Variants in NBPF9 observed in about 807,000 individuals in gnomAD.
NBPF9 encodes NBPF family member NBPF9.
NBPF9 carries 91 observed loss-of-function variants against 97.8 expected under a neutral mutation model. The observed-to-expected ratio is 0.93, with a 90% CI of 0.79 to 1.11. The LOEUF (loss-of-function observed/expected upper bound fraction) is 1.11. Among genes scored for constraint, NBPF9 ranks in the 50% least tolerant of loss-of-function variants. NBPF9 has a pLI of 0.00. For synonymous variants in NBPF9, 334 were observed against 359.5 expected (o/e 0.93, Z 0.80); for missense variants, 992 against 939.5 (o/e 1.06, Z -0.73).
chr1:149,073,858 C>T (rs2079621493), exon 13 of NBPF9: 1 of 1,437,204 alleles, frequency 7.0e-7, no homozygotes, highest in South Asian at 1.2e-5. Context: ...GAGGTCTTTA[C>T]ACTCTTCATA....
At chr1:149,071,800 T>C (rs1181994787) in intron 14 of NBPF9, 124 bp from the exon 15 acceptor site, 7 of 654,204 alleles carry the variant, frequency 1.1e-5, no homozygotes, top group East Asian at 3.0e-5. Context: ...AAAACTCTCA[T>C]GTTTTATCTT....
intron 4 of NBPF9, among the ~76,000 whole-genome samples, chr1:149,093,110 T>C (rs1419242284): frequency 1.3e-5 from 2 of 151,826 alleles, no homozygotes; most frequent in East Asian, 2.0e-4. Flanking sequence ...AATAGGATAA[T>C]AGTGGAGAGA....
chr1:149,100,215 T>C (rs1207615904), intron 3 of NBPF9, among the ~76,000 whole-genome samples: 17 of 135,124 alleles, frequency 1.3e-4, no homozygotes, highest in African/African-American at 4.5e-4. Flanking sequence ...GTCAAAACTG[T>C]AGCTCTGTGA....
chr1:149,063,995 CACACACACACACACAGACACAG>C, intron 19 of NBPF9, among the ~76,000 whole-genome samples, 190 bp from the exon 20 acceptor site: 1 of 106,196 alleles, frequency 9.4e-6, no homozygotes, highest in South Asian at 2.9e-4. Context: ...AAGAGAAAGA[CACACACACACACACAGACACAG>C]ACACACACAC....
chr1:149,093,029 C>A (rs185769340), intron 4 of NBPF9, among the ~76,000 whole-genome samples: 1 of 151,808 alleles, frequency 6.6e-6, no homozygotes, highest in Non-Finnish European at 1.5e-5. Flanking sequence ...CATGCCGGCA[C>A]TGGCCTCTGA....
intron 11 of NBPF9, among the ~76,000 whole-genome samples, chr1:149,076,747 A>T (rs1553654476): frequency 7.0e-6 from 1 of 143,762 alleles, no homozygotes; most frequent in African/African-American, 2.6e-5. Context: ...TGACCTCCTG[A>T]TCCACCCACC....
intron 19 of NBPF9, among the ~76,000 whole-genome samples, 188 bp from the exon 20 acceptor site, chr1:149,063,993 G>GACAT (rs1159271332): frequency 1.9e-5 from 2 of 106,988 alleles, no homozygotes; most frequent in African/African-American, 8.1e-5. Flanking sequence ...GAAAGAGAAA[G>GACAT]ACACACACAC....
chr1:149,087,332 T>TACAC (rs1199735548), intron 5 of NBPF9, among the ~76,000 whole-genome samples: 37 of 147,100 alleles, frequency 2.5e-4, no homozygotes, highest in South Asian at 8.5e-4. Flanking sequence ...TATATATATA[T>TACAC]ACACACACAC....
chr1:149,072,759 C>T, exon 14 of NBPF9: 1 of 1,601,198 alleles, frequency 6.2e-7, no homozygotes, highest in South Asian at 1.1e-5. Context: ...CAGTCTACAC[C>T]CCTCAGCCAG....
intron 5 of NBPF9, among the ~76,000 whole-genome samples, chr1:149,085,586 T>C (rs1344818500): frequency 6.6e-6 from 1 of 152,140 alleles, no homozygotes; most frequent in Non-Finnish European, 1.5e-5. Context: ...TATATATTTA[T>C]TTAGCCTTCT....
chr1:149,081,018 G>T (rs1201696364), intron 7 of NBPF9, among the ~76,000 whole-genome samples: 3 of 151,892 alleles, frequency 2.0e-5, no homozygotes, highest in African/African-American at 7.3e-5. Context: ...ATTCTCGGGT[G>T]TGATCTTTCT....
chr1:149,061,312 G>T lies in NBPF9; in HGVS notation c.2303+20C>A. ...TCCAGATGTCAACACAGAAGTAGCTGTTCACAATTGCTCAGTTACCTGGGG... is the reference window on the plus strand; with the variant it reads ...TCCAGATGTCAACACAGAAGTAGCTTTTCACAATTGCTCAGTTACCTGGGG... On this transcript the variant is annotated intron_variant, in intron 23 of 29. Transcript: ENST00000584027. 1 of 412,162 alleles carries T rather than the reference G, an allele frequency of 2.4e-6. No individual in the cohort carries two copies. Among genetic ancestry groups the T allele is most frequent in the Admixed American group, 3.7e-5 (1 of 27,056 alleles). The allele number at this position is 412,162 out of a possible 1,614,324, so 25.5% of individuals were successfully genotyped here.
chr1:149,062,326 G>A, intron 21 of NBPF9, 61 bp from the exon 22 acceptor site: 2 of 617,796 alleles, frequency 3.2e-6, no homozygotes, highest in South Asian at 3.8e-5. Flanking sequence ...CACAGCCCCA[G>A]CTAGATTTCA....
At chr1:149,097,942 TC>T (rs1224288667) in intron 4 of NBPF9, among the ~76,000 whole-genome samples, 3 of 151,444 alleles carry the variant, frequency 2.0e-5, no homozygotes, top group African/African-American at 7.3e-5. Context: ...GAGCCATGTT[TC>T]CCCATCCTGG....
chr1:149,088,578 CTCA>C (rs1249730859), intron 5 of NBPF9, among the ~76,000 whole-genome samples: 1 of 152,054 alleles, frequency 6.6e-6, no homozygotes, highest in Non-Finnish European at 1.5e-5. Flanking sequence ...GCCTTCTGTT[CTCA>C]TCATGCTGAG....
intron 5 of NBPF9, among the ~76,000 whole-genome samples, chr1:149,084,480 C>T (rs1241977775): frequency 2.0e-5 from 3 of 148,048 alleles, no homozygotes; most frequent in Non-Finnish European, 3.0e-5. Context: ...GGCTACTGCA[C>T]AGCTAGCAGA....
chr1:149,059,466 T>C lies in NBPF9; in HGVS notation c.2585+234A>G, dbSNP rs2078460642. 5.0e-6 allele frequency: 2 copies of C among 400,380 alleles called. 1 individual carries two copies. The highest frequency in any genetic ancestry group is 9.0e-6 in the Non-Finnish European group (2 of 222,454). 24.8% of individuals were successfully genotyped at this position (400,380 alleles called of 1,614,324 possible). On this transcript the variant is annotated intron_variant, in intron 25 of 29. Transcript: ENST00000584027. ...AAAATATGCTCAAAATTCGATGCAG[T>C]GGCCATGAAAGTACAGCTTTTGAAG... is the stretch of plus-strand genomic sequence containing the variant.
At chr1:149,057,752 CAGAGAGAG>C (rs1250490177) in intron 27 of NBPF9, among the ~76,000 whole-genome samples, 1 of 64,308 alleles carries the variant, frequency 1.6e-5, no homozygotes. Flanking sequence ...CACACACACA[CAGAGAGAG>C]AGAGAGAGAG....
intron 1 of NBPF9, 126 bp downstream of exon 1, chr1:149,103,175 C>CG (rs1369178715): frequency 9.3e-5 from 14 of 150,612 alleles, no homozygotes; most frequent in Admixed American, 7.2e-4. Context: ...ACACGCCCTC[C>CG]CAACCCCCCA....
Sources: gnomAD v4.1 joint callset for allele counts (sites outside exome capture counted in the v4.1 genomes callset) on GRCh38, gnomAD v4.1.1 for gene constraint, MANE v1.5 for transcripts, NCBI Gene and HGNC (gene_info 2026-07-23, HGNC 2026-07-21) for gene names.